Variants in RAB7A observed in about 807,000 individuals in gnomAD.
RAB7A encodes the protein RAB7A, member RAS oncogene family.
In RAB7A, 2 loss-of-function variants were observed where a neutral mutation model predicts 24.5. The ratio of observed to expected loss-of-function variants is 0.08; its 90% CI spans 0.03 to 0.26. The LOEUF is 0.26. Among genes scored for constraint, RAB7A ranks in the 10% least tolerant of loss-of-function variants. RAB7A has a pLI of 1.00. For synonymous variants in RAB7A, 100 were observed against 95.9 expected, an observed-to-expected ratio of 1.04 and a Z score of -0.25; for missense variants, 118 against 255.7, an observed-to-expected ratio of 0.46 and a Z score of 3.67.
chr3:128,761,848 C>T (rs552658791), intron 1 of RAB7A, among the ~76,000 whole-genome samples: 4 of 152,214 alleles, frequency 2.6e-5, no homozygotes, highest in South Asian at 2.1e-4. Flanking sequence ...GAAAAGCAAC[C>T]GAGCATTTAA....
At chr3:128,774,763 A>G (rs1933038872) in intron 1 of RAB7A, among the ~76,000 whole-genome samples, 2 of 152,040 alleles carry the variant, frequency 1.3e-5, no homozygotes, top group South Asian at 2.1e-4. Flanking sequence ...TAGTAGAGAC[A>G]GGGTTTCACC....
At chr3:128,735,697 C>T (rs1211265659) in intron 1 of RAB7A, among the ~76,000 whole-genome samples, 1 of 152,176 alleles carries the variant, frequency 6.6e-6, no homozygotes, top group Non-Finnish European at 1.5e-5. Context: ...TGGTTTTCCT[C>T]TTTAGCCAGC....
At chr3:128,755,549 G>A (rs987976246) in intron 1 of RAB7A, among the ~76,000 whole-genome samples, 1 of 152,004 alleles carries the variant, frequency 6.6e-6, no homozygotes, top group Non-Finnish European at 1.5e-5. Context: ...GTTAGTTCTT[G>A]GAAAAGACTA....
chr3:128,735,071 A>AAC (rs2070478192), intron 1 of RAB7A, among the ~76,000 whole-genome samples: 1 of 152,218 alleles, frequency 6.6e-6, no homozygotes, highest in Admixed American at 6.5e-5. Context: ...GTGTTCATTT[A>AAC]ACAGGTTTTT....
chr3:128,762,803 G>T (rs1334305786), intron 1 of RAB7A, among the ~76,000 whole-genome samples: 1 of 152,186 alleles, frequency 6.6e-6, no homozygotes, highest in Non-Finnish European at 1.5e-5. Context: ...ATGTGGAATA[G>T]CTTCACAGTT....
At chr3:128,813,243 C>A in intron 5 of RAB7A, 84 bp from the exon 6 acceptor site, 1 of 1,289,172 alleles carries the variant, frequency 7.8e-7, no homozygotes, top group Non-Finnish European at 1.1e-6. Flanking sequence ...GAAGTGAGCC[C>A]CTCCTGGGCA....
intron 1 of RAB7A, among the ~76,000 whole-genome samples, chr3:128,780,190 T>G (rs1654276579): frequency 5.3e-5 from 8 of 152,204 alleles, no homozygotes; most frequent in Admixed American, 5.2e-4. Context: ...ACAAATCAAT[T>G]TTCACACAAT....
intron 1 of RAB7A, among the ~76,000 whole-genome samples, chr3:128,765,800 C>T (rs1050509798): frequency 1.3e-5 from 2 of 150,248 alleles, no homozygotes; most frequent in African/African-American, 4.9e-5. Flanking sequence ...TCTCTCTTGT[C>T]GCCCAAGTTG....
chr3:128,773,125 C>A (rs527851086), intron 1 of RAB7A, among the ~76,000 whole-genome samples: 24 of 152,084 alleles, frequency 1.6e-4, no homozygotes, highest in African/African-American at 5.5e-4. Context: ...TCCCGGCCGC[C>A]ATCCCATCTA....
chr3:128,735,758 A>T (rs192948193), intron 1 of RAB7A, among the ~76,000 whole-genome samples: 1 of 152,334 alleles, frequency 6.6e-6, no homozygotes, highest in Non-Finnish European at 1.5e-5. Flanking sequence ...TTACTGGTTA[A>T]ATGCCTGAGA....
At chr3:128,800,667 C>T (rs978876057) in intron 3 of RAB7A, among the ~76,000 whole-genome samples, 14 of 152,196 alleles carry the variant, frequency 9.2e-5, no homozygotes, top group African/African-American at 3.4e-4. Flanking sequence ...TCAGGTGACT[C>T]TTGGCAGTAG....
At chr3:128,764,653 G>C in intron 1 of RAB7A, 1 of 930,250 alleles carries the variant, frequency 1.1e-6, no homozygotes, top group Non-Finnish European at 1.8e-6. Flanking sequence ...TTTGTCAGTG[G>C]CTAGTTTGTG....
chr3:128,746,589 C>T (rs1357141566), intron 1 of RAB7A, among the ~76,000 whole-genome samples: 6 of 151,768 alleles, frequency 4.0e-5, no homozygotes, highest in Non-Finnish European at 7.4e-5. Context: ...AGTGCAGTGG[C>T]GCAATCTTGG....
intron 1 of RAB7A, among the ~76,000 whole-genome samples, chr3:128,727,508 C>T (rs1187106239): frequency 3.3e-5 from 5 of 152,144 alleles, no homozygotes; most frequent in African/African-American, 9.7e-5. Context: ...TCCCTTAAAG[C>T]CATAAGAAAT....
chr3:128,766,950 C>T (rs184226953), intron 1 of RAB7A, among the ~76,000 whole-genome samples: 2 of 151,978 alleles, frequency 1.3e-5, no homozygotes, highest in South Asian at 2.1e-4. Flanking sequence ...TCCACATGCT[C>T]GTCAAAACTC....
intron 1 of RAB7A, among the ~76,000 whole-genome samples, chr3:128,768,233 T>A (rs920330905): frequency 6.6e-6 from 1 of 152,194 alleles, no homozygotes; most frequent in African/African-American, 2.4e-5. Context: ...ACATTATTAT[T>A]TTATTTGTGC....
chr3:128,799,917 A>G (rs1197284034), intron 3 of RAB7A, among the ~76,000 whole-genome samples: 2 of 152,230 alleles, frequency 1.3e-5, no homozygotes, highest in African/African-American at 4.8e-5. Flanking sequence ...TGAGGAAATA[A>G]TGTACCACAA....
intron 1 of RAB7A, among the ~76,000 whole-genome samples, chr3:128,732,518 C>G (rs1476881430): frequency 6.6e-6 from 1 of 152,080 alleles, no homozygotes. Context: ...TCATACCTTC[C>G]TTTAATGAGA....
chr3:128,788,979 A>T (rs1189394835), intron 1 of RAB7A, among the ~76,000 whole-genome samples: 1 of 152,238 alleles, frequency 6.6e-6, no homozygotes, highest in Non-Finnish European at 1.5e-5. Context: ...TATGAGAAAC[A>T]TTGTACTTGA....
Sources: allele counts gnomAD v4.1 joint callset (sites outside exome capture counted in the v4.1 genomes callset), GRCh38; gene constraint gnomAD v4.1.1; transcripts MANE v1.5; gene names NCBI Gene and HGNC (gene_info 2026-07-23, HGNC 2026-07-21).